Variants in CHD6 observed in about 807,000 individuals in gnomAD.
CHD6 encodes ATP-dependent chromatin remodeler CHD6.
CHD6 carries 50 observed loss-of-function variants against 276.9 expected under a neutral mutation model. That is an observed-to-expected ratio of 0.18 (90% CI 0.14 to 0.23). The LOEUF (loss-of-function observed/expected upper bound fraction) is 0.23. Among genes scored for constraint, CHD6 ranks in the 10% least tolerant of loss-of-function variants. The pLI is 1.00. For missense variants in CHD6, 2,564 were observed against 3,365.8 expected (o/e 0.76, Z 5.89); for synonymous variants, 1,173 against 1,229.3 (o/e 0.95, Z 0.96).
rs767857083 is a variant in CHD6 at position 41,413,535 on chromosome 20, G to GT, written c.6940-21dup. The GT allele has an allele frequency of 1.3e-6, 2 of 1,503,750 alleles. No homozygotes were observed. Among genetic ancestry groups the GT allele is most frequent in the Admixed American group, 4.7e-5 (2 of 42,166 alleles). The allele number at this position is 1,503,750 out of a possible 1,614,324, so 93.2% of individuals were successfully genotyped here. On this transcript the variant is annotated intron_variant, in intron 34 of 36. Coordinates refer to ENST00000373233, the MANE Select transcript of CHD6 (RefSeq NM_032221.5). ...GACTTCCTGGATGAAGGAAAAACGA[G>GT]TATGTATAATCACGACACAATGAAA...
At chr20:41,537,974 G>C (rs1293139288) in intron 2 of CHD6, among the ~76,000 whole-genome samples, 1 of 152,174 alleles carries the variant, frequency 6.6e-6, no homozygotes, top group African/African-American at 2.4e-5. Context: ...GCCAAAAGGT[G>C]GAAGCAACTC....
chr20:41,561,537 C>A, intron 1 of CHD6, among the ~76,000 whole-genome samples: 1 of 152,120 alleles, frequency 6.6e-6, no homozygotes, highest in East Asian at 1.9e-4. Flanking sequence ...CACCATCCTC[C>A]CAGAGACTCA....
At chr20:41,579,908 A>G (rs181587466) in intron 1 of CHD6, among the ~76,000 whole-genome samples, 85 of 152,350 alleles carry the variant, frequency 5.6e-4, no homozygotes, top group Non-Finnish European at 7.9e-4. Flanking sequence ...AGTACAATAA[A>G]AGAAAAAAAT....
intron 2 of CHD6, among the ~76,000 whole-genome samples, chr20:41,545,087 C>T (rs192841016): frequency 1.3e-5 from 2 of 152,238 alleles, no homozygotes; most frequent in East Asian, 1.9e-4. Flanking sequence ...TCAACTTCTC[C>T]GGATGTCCTT....
chr20:41,522,405 G>T (rs955569396), intron 3 of CHD6, among the ~76,000 whole-genome samples: 1 of 152,062 alleles, frequency 6.6e-6, no homozygotes, highest in African/African-American at 2.4e-5. Flanking sequence ...GAAAAGATGC[G>T]CATGGTGCAG....
chr20:41,518,334 T>C (rs2044301396), intron 3 of CHD6, among the ~76,000 whole-genome samples: 1 of 152,246 alleles, frequency 6.6e-6, no homozygotes, highest in South Asian at 2.1e-4. Context: ...TGCTTCACTG[T>C]GGAACATCAT....
At chr20:41,539,630 T>C (rs1179493241) in intron 2 of CHD6, among the ~76,000 whole-genome samples, 6 of 152,168 alleles carry the variant, frequency 3.9e-5, no homozygotes, top group African/African-American at 7.2e-5. Flanking sequence ...CCAAATTAGA[T>C]AAAAATACAA....
chr20:41,500,251 G>A (rs369012370), intron 5 of CHD6, among the ~76,000 whole-genome samples: 22 of 152,100 alleles, frequency 1.4e-4, no homozygotes, highest in African/African-American at 5.3e-4. Context: ...TGGCTGGAAC[G>A]TCCCAGAAGG....
At chr20:41,510,144 A>G (rs1402888051) in intron 5 of CHD6, among the ~76,000 whole-genome samples, 2 of 152,104 alleles carry the variant, frequency 1.3e-5, no homozygotes, top group Admixed American at 6.6e-5. Context: ...GCCCCGGGAG[A>G]AGGATATAGG....
chr20:41,521,557 G>A (rs1206148097), intron 3 of CHD6, among the ~76,000 whole-genome samples: 2 of 152,126 alleles, frequency 1.3e-5, no homozygotes, highest in Non-Finnish European at 2.9e-5. Context: ...CATATAATAT[G>A]TGTGTAGATA....
chr20:41,441,958 G>C (rs574092970), intron 25 of CHD6, among the ~76,000 whole-genome samples: 1 of 152,372 alleles, frequency 6.6e-6, no homozygotes, highest in East Asian at 1.9e-4. Context: ...AGGGGCAGCA[G>C]TCACTCAACT....
At chr20:41,579,842 CT>C (rs1329257329) in intron 1 of CHD6, among the ~76,000 whole-genome samples, 1 of 152,162 alleles carries the variant, frequency 6.6e-6, no homozygotes, top group Admixed American at 6.5e-5. Flanking sequence ...CCTCTTTCTA[CT>C]TTTCAAGCTT....
At chr20:41,416,077 G>A (rs368541272) in intron 33 of CHD6, among the ~76,000 whole-genome samples, 7 of 152,166 alleles carry the variant, frequency 4.6e-5, no homozygotes, top group Admixed American at 1.3e-4. Flanking sequence ...ATGAGAACCA[G>A]CTAGTTAATA....
chr20:41,468,560 AAG>A (rs1363936035), intron 17 of CHD6, among the ~76,000 whole-genome samples: 1 of 152,214 alleles, frequency 6.6e-6, no homozygotes, highest in Non-Finnish European at 1.5e-5. Context: ...CCAATACTTT[AAG>A]TAACACCTGG....
chr20:41,473,745 AC>A lies in CHD6; in HGVS notation c.2469-229del, dbSNP rs2043111344. On this transcript the variant is annotated intron_variant, in intron 16 of 36. Coordinates refer to ENST00000373233, the MANE Select transcript of CHD6 (RefSeq NM_032221.5). This position sits in a 1 kb window ranked among gnomAD's most constrained non-coding sequence, Gnocchi z 4.1. ...TCTCAAAACAGAACAAAACAAAAAA[AC>A]AAAACAAAGCAAAAAAAAACCAGCT... 1.3e-5 allele frequency among the ~76,000 whole-genome samples: 2 copies of A among 151,966 alleles called. No individual in the cohort carries two copies. Among genetic ancestry groups the A allele is most frequent in the East Asian group, 3.9e-4 (2 of 5,188 alleles).
chr20:41,560,600 A>G (rs1409607800), intron 1 of CHD6, among the ~76,000 whole-genome samples: 1 of 152,228 alleles, frequency 6.6e-6, no homozygotes, highest in African/African-American at 2.4e-5. Context: ...CCTGTCCTGC[A>G]GTGTAGCACT....
chr20:41,452,439 T>C lies in CHD6; in HGVS notation c.3323+301A>G, dbSNP rs2048265981. On this transcript the variant is annotated intron_variant, in intron 21 of 36. Coordinates refer to ENST00000373233, the MANE Select transcript of CHD6 (RefSeq NM_032221.5). This position sits in a 1 kb window ranked among gnomAD's most constrained non-coding sequence, Gnocchi z 4.2. ...GATAACATGTGTTGTGTGGACTCCTTGTATATCCTTGCGGGGTGGGAGGAA... is the reference window on the plus strand; with the variant it reads ...GATAACATGTGTTGTGTGGACTCCTCGTATATCCTTGCGGGGTGGGAGGAA... Among the ~76,000 whole-genome samples, 1 of 152,200 alleles carries C rather than the reference T, an allele frequency of 6.6e-6. No homozygotes were observed.
chr20:41,523,267 C>A (rs2044448101), intron 3 of CHD6, among the ~76,000 whole-genome samples: 1 of 152,090 alleles, frequency 6.6e-6, no homozygotes. Context: ...GCCTAATACT[C>A]CCACCAATTA....
intron 2 of CHD6, 64 bp from the exon 3 acceptor site, chr20:41,533,634 C>G: frequency 1.4e-6 from 2 of 1,418,648 alleles, no homozygotes; most frequent in Non-Finnish European, 1.9e-6. Context: ...AAGAGAGTTA[C>G]CCAGTTTGAA....
Sources: allele counts gnomAD v4.1 joint callset (sites outside exome capture counted in the v4.1 genomes callset), GRCh38; gene constraint gnomAD v4.1.1; non-coding constraint Gnocchi (gnomAD v3.1); transcripts MANE v1.5; gene names NCBI Gene and HGNC (gene_info 2026-07-23, HGNC 2026-07-21).